Variants in ADAMTSL1 observed in about 807,000 individuals in gnomAD.
The protein encoded by ADAMTSL1 is ADAMTS like 1, also known as ADAMTS-like protein 1.
In ADAMTSL1, 126 loss-of-function variants were observed where a neutral mutation model predicts 201.8. The ratio of observed to expected loss-of-function variants is 0.62; its 90% confidence interval spans 0.54 to 0.72. The LOEUF (loss-of-function observed/expected upper bound fraction) is 0.72, where lower values mean the gene tolerates loss of function less well. Ranked by LOEUF, ADAMTSL1 falls within the 30% of genes least tolerant of loss-of-function variation. The pLI is 0.00. For missense variants in ADAMTSL1, 2,679 were observed against 2,277.8 expected (o/e 1.18, Z -3.59); for synonymous variants, 1,121 against 903.4 (o/e 1.24, Z -4.32).
At chr9:18,839,688 A>G (rs1825586084) in intron 23 of ADAMTSL1, among the ~76,000 whole-genome samples, 1 of 152,130 alleles carries the variant, frequency 6.6e-6, no homozygotes, top group African/African-American at 2.4e-5. Flanking sequence ...CATCCTCTCC[A>G]GCACCTGTTG....
chr9:18,769,741 T>C (rs750429012), intron 16 of ADAMTSL1, among the ~76,000 whole-genome samples: 78 of 152,256 alleles, frequency 5.1e-4, no homozygotes, highest in Admixed American at 9.8e-4. Flanking sequence ...TCCGTTTATA[T>C]CCCATCGGCC....
At chr9:18,037,258 C>T (rs950238211) in intron 1 of ADAMTSL1, among the ~76,000 whole-genome samples, 24 of 152,218 alleles carry the variant, frequency 1.6e-4, no homozygotes, top group Non-Finnish European at 2.6e-4. Flanking sequence ...TTAATTTGAT[C>T]CTTGCATGTC....
chr9:17,985,214 G>A (rs1818876687), intron 1 of ADAMTSL1, among the ~76,000 whole-genome samples: 1 of 151,982 alleles, frequency 6.6e-6, no homozygotes, highest in Admixed American at 6.6e-5. Flanking sequence ...TCTCTTTTTT[G>A]ATGGTTAATA....
chr9:18,071,977 T>G (rs1450865435), intron 1 of ADAMTSL1, among the ~76,000 whole-genome samples: 2 of 152,186 alleles, frequency 1.3e-5, no homozygotes, highest in African/African-American at 4.8e-5. Context: ...AGAACAAGCT[T>G]AATGGTTCCA....
At chr9:18,434,420 G>T (rs1563958761) in intron 2 of ADAMTSL1, among the ~76,000 whole-genome samples, 1 of 152,076 alleles carries the variant, frequency 6.6e-6, no homozygotes, top group Non-Finnish European at 1.5e-5. Context: ...TGGAACTATT[G>T]TATACACTCT....
At chr9:18,384,706 A>G (rs1194054251) in intron 2 of ADAMTSL1, among the ~76,000 whole-genome samples, 2 of 152,120 alleles carry the variant, frequency 1.3e-5, no homozygotes, top group South Asian at 2.1e-4. Context: ...GTCAAACCCA[A>G]TAGGATTCCT....
intron 2 of ADAMTSL1, among the ~76,000 whole-genome samples, chr9:18,326,012 G>A (rs2132879049): frequency 6.6e-6 from 1 of 152,306 alleles, no homozygotes; most frequent in African/African-American, 2.4e-5. Context: ...AAAGTGCTGG[G>A]ATTACAGGTG....
At chr9:18,880,943 C>T (rs1828489867) in intron 23 of ADAMTSL1, among the ~76,000 whole-genome samples, 1 of 152,200 alleles carries the variant, frequency 6.6e-6, no homozygotes, top group Non-Finnish European at 1.5e-5. Flanking sequence ...TTAACTTGCA[C>T]TTTTATGTAA....
intron 1 of ADAMTSL1, among the ~76,000 whole-genome samples, chr9:18,132,059 A>C (rs1328836638): frequency 6.6e-6 from 1 of 152,078 alleles, no homozygotes; most frequent in Non-Finnish European, 1.5e-5. Flanking sequence ...ATTTCTATCT[A>C]CTAAGGATCA....
chr9:18,791,168 G>T (rs1822016062), intron 19 of ADAMTSL1, among the ~76,000 whole-genome samples: 1 of 152,178 alleles, frequency 6.6e-6, no homozygotes, highest in Non-Finnish European at 1.5e-5. Flanking sequence ...CTAGTCGCCA[G>T]GCTAGGTAAA....
At chr9:18,186,887 A>C (rs1027510216) in intron 2 of ADAMTSL1, among the ~76,000 whole-genome samples, 8 of 151,908 alleles carry the variant, frequency 5.3e-5, no homozygotes, top group Non-Finnish European at 1.0e-4. Flanking sequence ...AAACGTGAAC[A>C]TATATATTAT....
chr9:18,567,698 T>C (rs118014009), intron 3 of ADAMTSL1, among the ~76,000 whole-genome samples: 3,068 of 152,250 alleles, frequency 0.02, 41 homozygotes, highest in Non-Finnish European at 0.031. Context: ...AAACTGTGGA[T>C]AGTACCTAAC....
In ADAMTSL1 at chr9:18,159,910, T is replaced by A. The variant is rs139006795; in HGVS notation, c.88-3952T>A. On this transcript the variant is annotated intron_variant, in intron 1 of 29. Transcript: ENST00000680146. Reference sequence around the variant, plus strand: ...AAGATTCTTGTTATTCAGTGACTTTTGTTTTTATTTTTAAACTACCTTTAC... The same window carrying A: ...AAGATTCTTGTTATTCAGTGACTTTAGTTTTTATTTTTAAACTACCTTTAC... 2.5e-3 allele frequency among the ~76,000 whole-genome samples: 385 copies of A among 152,190 alleles called. 1 individual carries two copies. The highest frequency in any genetic ancestry group is 8.9e-3 in the African/African-American group (368 of 41,564).
At chr9:17,930,164 C>T (rs1780011264) in intron 1 of ADAMTSL1, among the ~76,000 whole-genome samples, 1 of 152,070 alleles carries the variant, frequency 6.6e-6, no homozygotes, top group African/African-American at 2.4e-5. Flanking sequence ...CACATAAAGT[C>T]CAATTGGCAG....
intron 2 of ADAMTSL1, among the ~76,000 whole-genome samples, chr9:18,194,108 A>T (rs72701544): frequency 0.033 from 4,981 of 152,182 alleles, 120 homozygotes; most frequent in Non-Finnish European, 0.054. Flanking sequence ...TGGAAAAAAA[A>T]TAGGGTTCTG....
At chr9:18,399,041 C>G (rs1019762906) in intron 2 of ADAMTSL1, among the ~76,000 whole-genome samples, 1 of 151,690 alleles carries the variant, frequency 6.6e-6, no homozygotes, top group Non-Finnish European at 1.5e-5. Flanking sequence ...CACAGAGCCA[C>G]TTATGTGCTA....
intron 2 of ADAMTSL1, among the ~76,000 whole-genome samples, chr9:18,190,019 A>G (rs1828905872): frequency 6.6e-6 from 1 of 152,222 alleles, no homozygotes; most frequent in South Asian, 2.1e-4. Context: ...TATCTAGAAC[A>G]AGAATGAGCC....
chr9:18,643,688 C>G (rs530747616), intron 7 of ADAMTSL1, among the ~76,000 whole-genome samples: 44 of 152,034 alleles, frequency 2.9e-4, no homozygotes, highest in African/African-American at 1.0e-3. Flanking sequence ...ATCAATTGGC[C>G]TTAAATTTCT....
Position 18,663,366 on chromosome 9 carries a change from T to A in ADAMTSL1, c.1085+1293T>A, listed in dbSNP as rs561900284. On this transcript the variant is annotated intron_variant, in intron 9 of 28. Transcript: ENST00000380548. Reference sequence around the variant, plus strand: ...AAGTTTAATTTAGCATCATATTACATCAGAAAATTATATATTAAAAATTGG... The same window carrying A: ...AAGTTTAATTTAGCATCATATTACAACAGAAAATTATATATTAAAAATTGG... Among the ~76,000 whole-genome samples the A allele has an allele frequency of 6.2e-4, 95 of 152,202 alleles. 1 individual carries two copies. The highest frequency in any genetic ancestry group is 2.2e-3 in the African/African-American group (91 of 41,546).
Sources: allele counts gnomAD v4.1 joint callset (sites outside exome capture counted in the v4.1 genomes callset), GRCh38; gene constraint gnomAD v4.1.1; transcripts MANE v1.5; gene names NCBI Gene and HGNC (gene_info 2026-07-23, HGNC 2026-07-21).